Variants in ANKRD33B observed in about 807,000 individuals in gnomAD.
ANKRD33B encodes the protein ankyrin repeat domain-containing protein 33B.
A neutral mutation model predicts 21.5 loss-of-function variants in ANKRD33B; 6 were observed. The ratio of observed to expected loss-of-function variants is 0.28; its 90% CI spans 0.15 to 0.55. The LOEUF is 0.55. ANKRD33B is among the 20% of genes least tolerant of loss of function. The pLI is 0.94. For synonymous variants in ANKRD33B, 347 were observed against 342.4 expected (o/e 1.01, Z -0.15); for missense variants, 698 against 747.2 (o/e 0.93, Z 0.77).
In ANKRD33B at chr5:10,649,515, T is replaced by A; in HGVS notation, c.887T>A (p.Val296Glu). 2.6e-6 allele frequency: 4 copies of A among 1,533,674 alleles called. No individual in the cohort carries two copies. The highest frequency in any genetic ancestry group is 3.5e-6 in the Non-Finnish European group (4 of 1,145,752). ...CTGTCCGTGCTGACGCCGCGCTCCG[T>A]GCGGGGCCCGGAGGACGGGGGCGTC... ...CVLSVLTPRS[V>E]RGPEDGGVLD... Residue 296 changes from valine (V) to glutamate (E), a missense_variant, in exon 4 of 4, where the codon GTG (valine) becomes GAG (glutamate). Physicochemically the swap from Val to Glu is moderately radical, Grantham distance 121 (BLOSUM62 -2). This residue lies in a region of ANKRD33B where 543 missense variants were observed against 566.5 expected (regional missense o/e 0.96). Transcript: ENST00000296657.
chr5:10,604,532 A>T (rs916720974), intron 1 of ANKRD33B, among the ~76,000 whole-genome samples: 6 of 151,506 alleles, frequency 4.0e-5, no homozygotes, highest in Non-Finnish European at 1.5e-5. Flanking sequence ...AAAGAAAAAA[A>T]AAAGAAAAAT....
chr5:10,628,650 T>C (rs1736635885), intron 2 of ANKRD33B, among the ~76,000 whole-genome samples: 1 of 152,182 alleles, frequency 6.6e-6, no homozygotes, highest in Non-Finnish European at 1.5e-5. Context: ...CCTGATACTT[T>C]CAATAAATAA....
chr5:10,626,748 G>A (rs534001869), intron 2 of ANKRD33B, among the ~76,000 whole-genome samples: 6 of 152,310 alleles, frequency 3.9e-5, no homozygotes, highest in East Asian at 3.9e-4. Flanking sequence ...CCCTGTCGGC[G>A]TTTCCCTTTA....
chr5:10,618,532 C>T (rs1579738720), intron 2 of ANKRD33B, 70 bp downstream of exon 2: 1 of 1,456,556 alleles, frequency 6.9e-7, no homozygotes, highest in South Asian at 1.4e-5. Flanking sequence ...GCCCGGGCTC[C>T]CGTTGCGATG....
intron 1 of ANKRD33B, among the ~76,000 whole-genome samples, chr5:10,592,021 A>G (rs1337682193): frequency 3.3e-5 from 5 of 151,894 alleles, no homozygotes; most frequent in East Asian, 1.9e-4. Context: ...ATGTATGTAT[A>G]TATATTATAC....
In ANKRD33B at chr5:10,592,450, T is replaced by TAAA. The variant is rs35660672; in HGVS notation, c.367-25858_367-25856dup. Among the ~76,000 whole-genome samples the TAAA allele has an allele frequency of 8.2e-3, 569 of 69,088 alleles. 15 individuals are homozygous for TAAA. Among genetic ancestry groups the TAAA allele is most frequent in the African/African-American group, 0.031 (493 of 16,114 alleles). 45.3% of individuals were successfully genotyped at this position (69,088 alleles called of 152,430 possible). A position where few individuals can be genotyped will look rare whatever the true frequency, so the allele number is the denominator to read the frequency against. ...CAACATGGTGAAACCCCATCTCTAC[T>TAAA]AAAAAAAAAAAAAAAAAAAAAAAAA... On this transcript the variant is annotated intron_variant, in intron 1 of 3. Transcript: ENST00000296657.
chr5:10,580,401 C>G (rs1390088756), intron 1 of ANKRD33B, among the ~76,000 whole-genome samples: 1 of 152,226 alleles, frequency 6.6e-6, no homozygotes, highest in Non-Finnish European at 1.5e-5. Flanking sequence ...CCCTAGACCC[C>G]TTGCTGGGGC....
chr5:10,573,267 G>T (rs1216412750), intron 1 of ANKRD33B, among the ~76,000 whole-genome samples: 1 of 151,950 alleles, frequency 6.6e-6, no homozygotes, highest in Non-Finnish European at 1.5e-5. Flanking sequence ...AGGAAATGGA[G>T]ACCATCCTGG....
chr5:10,652,878 C>A lies in ANKRD33B; in HGVS notation c.*2765C>A. The stretch of plus-strand genomic sequence containing the variant: ...CCTGCATTTTGAAAAGCCTGCTGAG[C>A]CAACAAGCTTGGGGCAGGACACGGA... On this transcript the variant is annotated 3_prime_UTR_variant, in exon 4 of 4. Transcript: ENST00000296657. The surrounding 1 kb of genome is among the most constrained non-coding windows in gnomAD (Gnocchi z 4.1). The A allele has an allele frequency of 4.1e-6, 1 of 243,488 alleles. No individual in the cohort carries two copies. The highest frequency in any genetic ancestry group is 8.7e-6 in the Non-Finnish European group (1 of 115,038). 15.1% of individuals were successfully genotyped at this position (243,488 alleles called of 1,614,324 possible).
chr5:10,574,754 A>G (rs901183194), intron 1 of ANKRD33B, among the ~76,000 whole-genome samples: 2 of 152,078 alleles, frequency 1.3e-5, no homozygotes, highest in African/African-American at 4.8e-5. Context: ...ACAAAGATTA[A>G]AAAGAGATCC....
At chr5:10,597,724 A>G (rs527739533) in intron 1 of ANKRD33B, among the ~76,000 whole-genome samples, 78 of 152,326 alleles carry the variant, frequency 5.1e-4, no homozygotes, top group African/African-American at 1.7e-3. Context: ...CTAAAACAAC[A>G]GAATATACAT....
intron 2 of ANKRD33B, among the ~76,000 whole-genome samples, chr5:10,632,956 T>A (rs1736762417): frequency 6.6e-6 from 1 of 151,140 alleles, no homozygotes; most frequent in African/African-American, 2.4e-5. Flanking sequence ...CCCAGCTAAT[T>A]TTTCTATTTT....
chr5:10,588,319 C>T (rs1054742129), intron 1 of ANKRD33B, among the ~76,000 whole-genome samples: 2 of 152,114 alleles, frequency 1.3e-5, no homozygotes, highest in East Asian at 1.9e-4. Context: ...AAATACATGT[C>T]GTTTTTAATG....
Position 10,649,411 on chromosome 5 carries a change from C to G in ANKRD33B, c.783C>G (p.Pro261=), listed in dbSNP as rs775220816. Residue 261 remains proline (P), a synonymous_variant, in exon 4 of 4, where the codon CCC becomes CCG. Coordinates refer to ENST00000296657, the MANE Select transcript of ANKRD33B (RefSeq NM_001164440.2). Reference sequence around the variant, plus strand: ...AGCAGTTCTGGGAGAAGTACCGGCCCGAGCTGCCGCCGCCCCCTGAAGCGG... The same window carrying G: ...AGCAGTTCTGGGAGAAGTACCGGCCGGAGCTGCCGCCGCCCCCTGAAGCGG... ...CPEQFWEKYR[P]ELPPPPEAAR... is the part of the protein sequence containing the mutation. The G allele has an allele frequency of 1.3e-6, 2 of 1,535,420 alleles. No homozygotes were observed. Among genetic ancestry groups the G allele is most frequent in the South Asian group, 2.4e-5 (2 of 84,024 alleles).
chr5:10,619,259 T>C lies in ANKRD33B; in HGVS notation c.496+797T>C, dbSNP rs1310237310. 11 of 979,538 alleles carry C rather than the reference T, an allele frequency of 1.1e-5. No homozygotes were observed. The African/African-American group carries it at 1.8e-4, about 16-fold the overall frequency. 60.7% of individuals were successfully genotyped at this position (979,538 alleles called of 1,614,324 possible). A position where few individuals can be genotyped will look rare whatever the true frequency, so the allele number is the denominator to read the frequency against. Reference sequence around the variant, plus strand: ...TGCAAGCAAAGAAGCTGCCTGCAGCTGAGCCAGGAAGAACAGGCGCTTGTG... The same window carrying C: ...TGCAAGCAAAGAAGCTGCCTGCAGCCGAGCCAGGAAGAACAGGCGCTTGTG... On this transcript the variant is annotated intron_variant, in intron 2 of 3. Transcript: ENST00000296657. This position sits in a 1 kb window ranked among gnomAD's most constrained non-coding sequence, Gnocchi z 4.5.
Position 10,649,557 on chromosome 5 carries a change from G to A in ANKRD33B, c.929G>A (p.Arg310Gln), listed in dbSNP as rs1378881566. ...GGGGGCGTCCTGGACCACATGGTCC[G>A]GATGACCACGAGCCTCTACAGCCCC... ...EDGGVLDHMV[R>Q]MTTSLYSPAV... Residue 310 changes from arginine (R) to glutamine (Q), a missense_variant, in exon 4 of 4, where the codon CGG becomes CAG. Physicochemically the swap from Arg to Gln is conservative, Grantham distance 43 (BLOSUM62 1). Transcript: ENST00000296657. 4.6e-6 allele frequency: 7 copies of A among 1,527,110 alleles called. No homozygotes were observed. The highest frequency in any genetic ancestry group is 6.1e-6 in the Non-Finnish European group (7 of 1,142,158). The allele number at this position is 1,527,110 out of a possible 1,614,324, so 94.6% of individuals were successfully genotyped here.
Position 10,649,447 on chromosome 5 carries a change from C to T in ANKRD33B, c.819C>T (p.Pro273=), listed in dbSNP as rs1285358717. The T allele has an allele frequency of 1.3e-6, 2 of 1,535,172 alleles. No individual in the cohort carries two copies. The highest frequency in any genetic ancestry group is 2.4e-5 in the East Asian group (1 of 40,912). Residue 273 remains proline (P), a synonymous_variant, in exon 4 of 4, where the codon CCC becomes CCT. Coordinates refer to ENST00000296657, the MANE Select transcript of ANKRD33B (RefSeq NM_001164440.2). ...LPPPPEAARK[P]AGSKNCLQRL... ...CGCCCCCTGAAGCGGCGCGGAAGCCCGCGGGCTCCAAGAACTGCCTGCAGA... is the reference window on the plus strand; with the variant it reads ...CGCCCCCTGAAGCGGCGCGGAAGCCTGCGGGCTCCAAGAACTGCCTGCAGA...
At chr5:10,566,296 G>A (rs531802372) in intron 1 of ANKRD33B, among the ~76,000 whole-genome samples, 82 of 152,328 alleles carry the variant, frequency 5.4e-4, no homozygotes, top group African/African-American at 1.9e-3. Flanking sequence ...GGCGACAGAT[G>A]CCCTGGCTGG....
Position 10,606,458 on chromosome 5 carries a change from T to C in ANKRD33B, c.367-11875T>C, listed in dbSNP as rs534920212. Among the ~76,000 whole-genome samples the C allele has an allele frequency of 9.9e-5, 15 of 152,252 alleles. No individual in the cohort carries two copies. In the South Asian group the frequency reaches 3.1e-3, roughly 32 times the overall value. On this transcript the variant is annotated intron_variant, in intron 1 of 3. Transcript: ENST00000296657. ...ATAGATAAAAATACAAATATTGGCC[T>C]GGCACAGTAGCTCACGCCTGTAATC...
Sources: allele counts gnomAD v4.1 joint callset (sites outside exome capture counted in the v4.1 genomes callset), GRCh38; gene constraint gnomAD v4.1.1; regional missense constraint gnomAD v4.1.1; non-coding constraint Gnocchi (gnomAD v3.1); transcripts MANE v1.5; gene names NCBI Gene and HGNC (gene_info 2026-07-23, HGNC 2026-07-21).